Variants in WDR72 observed in about 807,000 individuals in gnomAD.
WDR72 encodes WD repeat domain 72, also known as WD repeat-containing protein 72.
In WDR72, 120 loss-of-function variants were observed where a neutral mutation model predicts 124.2. The ratio of observed to expected loss-of-function variants is 0.97; its 90% CI spans 0.83 to 1.12. The LOEUF is 1.12. Among genes scored for constraint, WDR72 ranks in the 50% most tolerant of loss-of-function variants. The pLI, the probability that WDR72 is intolerant of heterozygous loss-of-function variation, is 0.00. For missense variants in WDR72, 1,387 were observed against 1,278.8 expected (o/e 1.08, Z -1.29); for synonymous variants, 452 against 441.7 (o/e 1.02, Z -0.29).
intron 1 of WDR72, among the ~76,000 whole-genome samples, chr15:53,735,226 G>A (rs528265153): frequency 3.3e-5 from 5 of 152,246 alleles, no homozygotes; most frequent in Admixed American, 2.0e-4. Flanking sequence ...AGGAGGTGGA[G>A]GTTGCAGTGA....
intron 13 of WDR72, among the ~76,000 whole-genome samples, chr15:53,688,477 A>T (rs899967908): frequency 6.6e-6 from 1 of 151,880 alleles, no homozygotes; most frequent in Non-Finnish European, 1.5e-5. Flanking sequence ...CTTCAAAGAG[A>T]ATAAAATACC....
chr15:53,700,768 G>A (rs2017147515), intron 12 of WDR72, among the ~76,000 whole-genome samples: 2 of 151,596 alleles, frequency 1.3e-5, no homozygotes, highest in African/African-American at 4.8e-5. Context: ...GAAATCGTAA[G>A]GAAAAAAAAA....
intron 18 of WDR72, among the ~76,000 whole-genome samples, chr15:53,580,526 GC>G (rs1403236757): frequency 6.6e-6 from 1 of 152,032 alleles, no homozygotes; most frequent in Non-Finnish European, 1.5e-5. Flanking sequence ...GCCCACTGCA[GC>G]TACTTCCTGG....
At chr15:53,758,037 C>T (rs1048655647) in intron 1 of WDR72, among the ~76,000 whole-genome samples, 7 of 151,246 alleles carry the variant, frequency 4.6e-5, no homozygotes, top group Non-Finnish European at 8.8e-5. Flanking sequence ...GGTCTTTCTC[C>T]GTCACCTAGC....
intron 18 of WDR72, among the ~76,000 whole-genome samples, chr15:53,537,391 T>A (rs1892818812): frequency 6.6e-6 from 1 of 152,202 alleles, no homozygotes; most frequent in Non-Finnish European, 1.5e-5. Context: ...TTATTGAGTT[T>A]TAGGGGCTCT....
chr15:53,567,260 T>C (rs974447684), intron 18 of WDR72, among the ~76,000 whole-genome samples: 4 of 152,014 alleles, frequency 2.6e-5, no homozygotes, highest in African/African-American at 7.2e-5. Flanking sequence ...CCTTCACATT[T>C]GGAATCGAGA....
intron 13 of WDR72, among the ~76,000 whole-genome samples, chr15:53,667,736 T>C (rs2015828974): frequency 6.6e-6 from 1 of 152,208 alleles, no homozygotes; most frequent in African/African-American, 2.4e-5. Context: ...AACTATGATA[T>C]TGTTTACATA....
rs140479431 is a variant in WDR72, at chr15:53,658,191, A to C, written c.1962+7381T>G. On this transcript the variant is annotated intron_variant, in intron 14 of 19. Transcript: ENST00000360509. ...CCTGGGAAAGCAATAGTCAGCTAAAAGGTTTTTATACCTGGAAATTTTTTT... is the reference window on the plus strand; with the variant it reads ...CCTGGGAAAGCAATAGTCAGCTAAACGGTTTTTATACCTGGAAATTTTTTT... Among the ~76,000 whole-genome samples, 152 of 152,288 alleles carry C rather than the reference A, an allele frequency of 1.0e-3. 4 individuals are homozygous for C. In the East Asian group the frequency reaches 0.025, roughly 25 times the overall value.
At chr15:53,620,936 C>T (rs1040252561) in intron 14 of WDR72, among the ~76,000 whole-genome samples, 1 of 151,984 alleles carries the variant, frequency 6.6e-6, no homozygotes, top group Non-Finnish European at 1.5e-5. Flanking sequence ...CTACAATGAA[C>T]TCAAACAAAT....
chr15:53,653,383 G>A (rs1293060951), intron 14 of WDR72, among the ~76,000 whole-genome samples: 4 of 152,220 alleles, frequency 2.6e-5, no homozygotes, highest in Non-Finnish European at 4.4e-5. Context: ...AAAGGATGCT[G>A]AGAAAGAGAG....
intron 14 of WDR72, among the ~76,000 whole-genome samples, chr15:53,631,086 G>C (rs2014408743): frequency 6.6e-6 from 1 of 152,176 alleles, no homozygotes. Flanking sequence ...TCATGTTGAA[G>C]TATAATCCCC....
chr15:53,644,497 T>C (rs1250705904), intron 14 of WDR72, among the ~76,000 whole-genome samples: 1 of 152,134 alleles, frequency 6.6e-6, no homozygotes, highest in African/African-American at 2.4e-5. Context: ...TGTCAACATT[T>C]GTAACAAATA....
chr15:53,577,840 A>T (rs940888011), intron 18 of WDR72, among the ~76,000 whole-genome samples: 1 of 152,136 alleles, frequency 6.6e-6, no homozygotes, highest in African/African-American at 2.4e-5. Context: ...CCCAATTATA[A>T]TAGTTTGTTT....
At chr15:53,627,955 C>T (rs1173166955) in intron 14 of WDR72, among the ~76,000 whole-genome samples, 4 of 152,106 alleles carry the variant, frequency 2.6e-5, no homozygotes, top group African/African-American at 9.7e-5. Context: ...TTAATCTATG[C>T]TCTCCAATCT....
At chr15:53,607,633 C>T (rs537275462) in intron 17 of WDR72, among the ~76,000 whole-genome samples, 1 of 152,186 alleles carries the variant, frequency 6.6e-6, no homozygotes, top group Admixed American at 6.5e-5. Flanking sequence ...TAAGCACAGG[C>T]AACCAATGCA....
intron 17 of WDR72, among the ~76,000 whole-genome samples, chr15:53,607,755 C>T (rs1451801938): frequency 1.3e-5 from 2 of 151,900 alleles, no homozygotes; most frequent in Non-Finnish European, 2.9e-5. Context: ...TGCAAACTAC[C>T]CATCTGACAA....
intron 18 of WDR72, among the ~76,000 whole-genome samples, chr15:53,557,433 G>A (rs1435088985): frequency 1.3e-5 from 2 of 152,038 alleles, no homozygotes; most frequent in Admixed American, 6.6e-5. Context: ...CATTACAATG[G>A]CTAAGAATTT....
chr15:53,644,044 T>C (rs1359100950), intron 14 of WDR72, among the ~76,000 whole-genome samples: 1 of 152,170 alleles, frequency 6.6e-6, no homozygotes, highest in African/African-American at 2.4e-5. Context: ...TTGTTATCTA[T>C]TGTAATTACT....
chr15:53,653,759 T>A (rs935122630), intron 14 of WDR72, among the ~76,000 whole-genome samples: 1 of 152,202 alleles, frequency 6.6e-6, no homozygotes, highest in East Asian at 1.9e-4. Context: ...GAAATTATTA[T>A]GGCTGAAGAA....
Sources: gnomAD v4.1 joint callset for allele counts (sites outside exome capture counted in the v4.1 genomes callset) on GRCh38, gnomAD v4.1.1 for gene constraint, MANE v1.5 for transcripts, NCBI Gene and HGNC (gene_info 2026-07-23, HGNC 2026-07-21) for gene names.